Variants in NXPH1 observed in about 807,000 individuals in gnomAD.
NXPH1 encodes the protein neurexophilin-1.
NXPH1 carries 5 observed loss-of-function variants against 23.7 expected under a neutral mutation model. The ratio of observed to expected loss-of-function variants is 0.21; its 90% CI spans 0.11 to 0.44. The LOEUF is 0.44. Among genes scored for constraint, NXPH1 ranks in the 20% least tolerant of loss-of-function variants. The pLI is 0.99. For synonymous variants in NXPH1, 144 were observed against 122.2 expected (o/e 1.18, Z -1.18); for missense variants, 324 against 321.6 (o/e 1.01, Z -0.06).
At chr7:8,543,038 C>T (rs574604545) in intron 2 of NXPH1, among the ~76,000 whole-genome samples, 1 of 151,520 alleles carries the variant, frequency 6.6e-6, no homozygotes, top group Non-Finnish European at 1.5e-5. Flanking sequence ...AATTTACATG[C>T]ATTTGAGCTA....
At chr7:8,728,550 G>C (rs557450745) in intron 2 of NXPH1, among the ~76,000 whole-genome samples, 18 of 152,038 alleles carry the variant, frequency 1.2e-4, no homozygotes, top group South Asian at 4.2e-4. Flanking sequence ...TAGCATGAAG[G>C]GTTGTTGAAT....
chr7:8,509,755 C>T (rs1817584298), intron 2 of NXPH1, among the ~76,000 whole-genome samples: 2 of 152,102 alleles, frequency 1.3e-5, no homozygotes, highest in Admixed American at 6.5e-5. Flanking sequence ...GCTTCACTCA[C>T]ACCCATGAAA....
intron 2 of NXPH1, among the ~76,000 whole-genome samples, chr7:8,663,246 T>G (rs1583219947): frequency 6.6e-6 from 1 of 152,232 alleles, no homozygotes; most frequent in East Asian, 1.9e-4. Flanking sequence ...CATCGTTGAA[T>G]TCTGGCTAAT....
At chr7:8,617,066 A>G (rs1168072939) in intron 2 of NXPH1, among the ~76,000 whole-genome samples, 2 of 151,952 alleles carry the variant, frequency 1.3e-5, no homozygotes, top group African/African-American at 2.4e-5. Context: ...GTTTGGAAAT[A>G]CTTTTTGTCA....
At chr7:8,686,530 G>A (rs1360952285) in intron 2 of NXPH1, among the ~76,000 whole-genome samples, 15 of 152,160 alleles carry the variant, frequency 9.9e-5, no homozygotes, top group Admixed American at 9.8e-4. Context: ...AACTGTGGCT[G>A]AATAAAAAGT....
chr7:8,652,917 ACTT>A (rs1583215286), intron 2 of NXPH1, among the ~76,000 whole-genome samples: 1 of 151,796 alleles, frequency 6.6e-6, no homozygotes, highest in East Asian at 1.9e-4. Context: ...TCTTTAAGAG[ACTT>A]CTTTCTGCTT....
At chr7:8,616,141 C>T (rs932632662) in intron 2 of NXPH1, among the ~76,000 whole-genome samples, 1 of 151,280 alleles carries the variant, frequency 6.6e-6, no homozygotes, top group Non-Finnish European at 1.5e-5. Flanking sequence ...GATTGGTCTC[C>T]TGCTACCTTT....
intron 2 of NXPH1, among the ~76,000 whole-genome samples, chr7:8,475,948 C>T (rs1816963466): frequency 6.6e-6 from 1 of 152,160 alleles, no homozygotes; most frequent in Admixed American, 6.6e-5. Flanking sequence ...ACCTCTCCAA[C>T]TTCCACTCAC....
At chr7:8,604,280 A>G (rs972846473) in intron 2 of NXPH1, among the ~76,000 whole-genome samples, 5 of 152,144 alleles carry the variant, frequency 3.3e-5, no homozygotes, top group African/African-American at 9.7e-5. Flanking sequence ...TTTTCAATAT[A>G]GCCTGATCTT....
At chr7:8,687,794 ATAC>A (rs761180987) in intron 2 of NXPH1, among the ~76,000 whole-genome samples, 1 of 152,126 alleles carries the variant, frequency 6.6e-6, no homozygotes, top group Non-Finnish European at 1.5e-5. Context: ...ATTGTCATTG[ATAC>A]TACTGTCTCT....
At position 8,751,515 on chromosome 7, in the gene NXPH1, G is replaced by A. The variant is rs773388495; in HGVS notation, c.562G>A (p.Asp188Asn). The change falls in exon 3 of 3, where the codon GAT becomes AAT. Residue 188 changes from aspartate to asparagine, a missense_variant. Coordinates refer to ENST00000405863, the MANE Select transcript of NXPH1 (RefSeq NM_152745.3). The surrounding 1 kb of genome is among the most constrained non-coding windows in gnomAD (Gnocchi z 4.5). The stretch of plus-strand genomic sequence containing the variant: ...ACAACAAACCGTGATTGATGCCAAA[G>A]ATTCCAAGTCTTTTAATTGTCGCAT... ...LAQQTVIDAK[D>N]SKSFNCRIEY... is the part of the protein sequence containing the mutation. The A allele has an allele frequency of 1.2e-6, 2 of 1,613,676 alleles. No individual in the cohort carries two copies. The highest frequency in any genetic ancestry group is 1.7e-6 in the Non-Finnish European group (2 of 1,179,792).
intron 2 of NXPH1, among the ~76,000 whole-genome samples, chr7:8,627,645 G>A (rs962397465): frequency 6.6e-6 from 1 of 152,018 alleles, no homozygotes; most frequent in African/African-American, 2.4e-5. Flanking sequence ...ACCATACCGT[G>A]GCAATGAGAT....
intron 2 of NXPH1, among the ~76,000 whole-genome samples, chr7:8,492,881 G>C (rs1817273379): frequency 6.6e-6 from 1 of 151,948 alleles, no homozygotes; most frequent in South Asian, 2.1e-4. Flanking sequence ...TCTATTTATT[G>C]ATTATTTCCC....
intron 2 of NXPH1, among the ~76,000 whole-genome samples, chr7:8,639,530 C>T (rs1199649583): frequency 1.3e-5 from 2 of 151,874 alleles, no homozygotes; most frequent in Non-Finnish European, 2.9e-5. Flanking sequence ...AAAAGTTGTA[C>T]CTTGTTATTT....
intron 2 of NXPH1, among the ~76,000 whole-genome samples, chr7:8,711,643 A>C (rs1352924136): frequency 6.6e-6 from 1 of 152,172 alleles, no homozygotes; most frequent in Non-Finnish European, 1.5e-5. Flanking sequence ...GAAGAAAGCT[A>C]TCACTTGGGA....
chr7:8,656,346 A>T (rs563382784), intron 2 of NXPH1, among the ~76,000 whole-genome samples: 1 of 152,300 alleles, frequency 6.6e-6, no homozygotes, highest in South Asian at 2.1e-4. Context: ...TAAACCCTTA[A>T]TATATGCTAG....
At chr7:8,719,505 A>G (rs997312302) in intron 2 of NXPH1, among the ~76,000 whole-genome samples, 1 of 152,218 alleles carries the variant, frequency 6.6e-6, no homozygotes, top group South Asian at 2.1e-4. Flanking sequence ...CCAAAAATTT[A>G]TGTGCAAAGT....
rs199938338 is a variant in NXPH1 at position 8,544,595 on chromosome 7, G to A, written c.54+108828G>A. On this transcript the variant is annotated intron_variant, in intron 2 of 2. Coordinates refer to ENST00000405863, the MANE Select transcript of NXPH1 (RefSeq NM_152745.3). Reference sequence around the variant, plus strand: ...TAGGAGTGCAGTGCAATGTTATAATGTAGACCGTACTGAGGCAGATGATGG... The same window carrying A: ...TAGGAGTGCAGTGCAATGTTATAATATAGACCGTACTGAGGCAGATGATGG... 3.3e-5 allele frequency among the ~76,000 whole-genome samples: 5 copies of A among 151,582 alleles called. No homozygotes were observed. The East Asian group carries it at 9.8e-4, about 30-fold the overall frequency.
chr7:8,704,387 GA>G (rs1395399218), intron 2 of NXPH1, among the ~76,000 whole-genome samples: 4 of 151,928 alleles, frequency 2.6e-5, no homozygotes, highest in African/African-American at 9.7e-5. Context: ...ACCACCACAC[GA>G]GACACTGTAT....
Sources: allele counts gnomAD v4.1 joint callset (sites outside exome capture counted in the v4.1 genomes callset), GRCh38; gene constraint gnomAD v4.1.1; non-coding constraint Gnocchi (gnomAD v3.1); transcripts MANE v1.5; gene names NCBI Gene and HGNC (gene_info 2026-07-23, HGNC 2026-07-21).